The following COL5A1 variants were observed in gnomAD, a reference collection of about 807,000 sequenced individuals.
COL5A1 encodes the protein collagen type V alpha 1 chain.
A neutral mutation model predicts 263.7 loss-of-function variants in COL5A1; 16 were observed. That is an observed-to-expected ratio of 0.06 (90% CI 0.04 to 0.09). COL5A1 has a LOEUF of 0.09. Ranked by LOEUF, COL5A1 falls within the 10% of genes least tolerant of loss-of-function variation. The pLI is 1.00. For missense variants in COL5A1, 2,036 were observed against 2,540.5 expected (o/e 0.80, Z 4.27); for synonymous variants, 1,012 against 1,004.5 (o/e 1.01, Z -0.14).
chr9:134,685,002 CCATT>C (rs1832968148), intron 1 of COL5A1, among the ~76,000 whole-genome samples: 2 of 129,208 alleles, frequency 1.5e-5, no homozygotes, highest in South Asian at 2.7e-4. Context: ...CACCATCCAT[CCATT>C]AATTGATCCA....
chr9:134,664,872 G>C (rs1832310602), intron 1 of COL5A1, among the ~76,000 whole-genome samples: 1 of 152,288 alleles, frequency 6.6e-6, no homozygotes, highest in South Asian at 2.1e-4. Context: ...GACCAGCCTG[G>C]CCAACATGAT....
chr9:134,740,966 C>T (rs1018095531), intron 11 of COL5A1, among the ~76,000 whole-genome samples: 2 of 152,208 alleles, frequency 1.3e-5, no homozygotes, highest in African/African-American at 4.8e-5. Flanking sequence ...TGGAGCCCAC[C>T]GGCCTCCCCA....
chr9:134,731,093 G>A (rs953983519), intron 7 of COL5A1, among the ~76,000 whole-genome samples: 8 of 152,338 alleles, frequency 5.3e-5, no homozygotes, highest in South Asian at 2.1e-4. Flanking sequence ...GCACATGGCC[G>A]ATGCTTAACA....
chr9:134,834,520 C>T (rs909682101), intron 64 of COL5A1, among the ~76,000 whole-genome samples: 2 of 152,164 alleles, frequency 1.3e-5, no homozygotes, highest in Admixed American at 6.5e-5. Flanking sequence ...GCACACTGGG[C>T]AGCCATGGGG....
intron 1 of COL5A1, among the ~76,000 whole-genome samples, chr9:134,671,797 C>T (rs11103464): frequency 6.6e-6 from 1 of 152,240 alleles, no homozygotes; most frequent in African/African-American, 2.4e-5. Context: ...GGCCAATTTC[C>T]TTGTATTTCT....
At chr9:134,695,340 A>G (rs919670699) in intron 2 of COL5A1, among the ~76,000 whole-genome samples, 2 of 152,130 alleles carry the variant, frequency 1.3e-5, no homozygotes, top group Admixed American at 6.5e-5. Flanking sequence ...CCTTAGGCAG[A>G]ATGTCCTGCT....
Position 134,641,816 on chromosome 9 carries a change from G to C in COL5A1, c.-372G>C. The C allele has an allele frequency of 2.6e-6, 1 of 386,802 alleles. No individual in the cohort carries two copies. Among genetic ancestry groups the C allele is most frequent in the East Asian group, 3.7e-5 (1 of 27,336 alleles). The allele number at this position is 386,802 out of a possible 1,614,324, so 24.0% of individuals were successfully genotyped here. On this transcript the variant is annotated 5_prime_UTR_variant, in exon 1 of 66. Transcript: ENST00000371817. The stretch of plus-strand genomic sequence containing the variant: ...GCCGAAGGCGAGGTCCGCACTCTCC[G>C]TCCCCGCGGCTGGCGCAGGACCTCA...
Position 134,765,852 on chromosome 9 carries a change from T to A in COL5A1, c.2088+118T>A. The A allele has an allele frequency of 1.3e-6, 1 of 786,550 alleles. No homozygotes were observed. Among genetic ancestry groups the A allele is most frequent in the Non-Finnish European group, 2.1e-6 (1 of 481,580 alleles). 48.7% of individuals were successfully genotyped at this position (786,550 alleles called of 1,614,324 possible). On this transcript the variant is annotated intron_variant, in intron 21 of 65. Coordinates refer to ENST00000371817, the MANE Select transcript of COL5A1 (RefSeq NM_000093.5). The surrounding 1 kb of genome is among the most constrained non-coding windows in gnomAD (Gnocchi z 5.1). ...AGTCCGTGCTGGCCCCTCTGGCGCC[T>A]GCCTGCTGCCAGTGTGAGGCGTGAG...
At chr9:134,679,557 G>T (rs1347897911) in intron 1 of COL5A1, among the ~76,000 whole-genome samples, 4 of 92,118 alleles carry the variant, frequency 4.3e-5, no homozygotes, top group Non-Finnish European at 6.4e-5. Flanking sequence ...GCTTCTTAGG[G>T]GGCACTGTGG....
intron 27 of COL5A1, among the ~76,000 whole-genome samples, chr9:134,776,698 G>GA (rs1033029177): frequency 6.6e-6 from 1 of 152,200 alleles, no homozygotes; most frequent in African/African-American, 2.4e-5. Flanking sequence ...TTCTTCCCAG[G>GA]AAAAGGTTCT....
At chr9:134,744,534 C>T (rs566812166) in intron 11 of COL5A1, among the ~76,000 whole-genome samples, 12 of 151,808 alleles carry the variant, frequency 7.9e-5, no homozygotes, top group Non-Finnish European at 1.3e-4. Context: ...TACATGCACA[C>T]TCACACCCAC....
intron 4 of COL5A1, among the ~76,000 whole-genome samples, chr9:134,711,054 G>T (rs1056578633): frequency 2.0e-5 from 3 of 152,056 alleles, no homozygotes; most frequent in Non-Finnish European, 2.9e-5. Context: ...GGACCACTTG[G>T]GGGGGCAGCC....
chr9:134,747,538 C>A (rs1278418463), intron 11 of COL5A1, among the ~76,000 whole-genome samples: 1 of 86,558 alleles, frequency 1.2e-5, no homozygotes. Flanking sequence ...CACACATCCA[C>A]ACACACCTGC....
intron 11 of COL5A1, among the ~76,000 whole-genome samples, chr9:134,747,382 T>C (rs1249107802): frequency 6.6e-6 from 1 of 152,178 alleles, no homozygotes; most frequent in Non-Finnish European, 1.5e-5. Flanking sequence ...TGAGGAGACT[T>C]CCTGGCTTCC....
intron 28 of COL5A1, among the ~76,000 whole-genome samples, chr9:134,781,382 G>T (rs947341739): frequency 2.0e-5 from 3 of 152,262 alleles, no homozygotes; most frequent in African/African-American, 4.8e-5. Context: ...CAAGAGCACT[G>T]CTTTCTACGT....
At chr9:134,761,642 T>C (rs1836447838) in intron 18 of COL5A1, among the ~76,000 whole-genome samples, 1 of 152,202 alleles carries the variant, frequency 6.6e-6, no homozygotes, top group Admixed American at 6.5e-5. Flanking sequence ...CTCAGTGTCC[T>C]GAGGCTGCCC....
At position 134,817,061 on chromosome 9, in the gene COL5A1, G is replaced by C. The variant is rs1383677988; in HGVS notation, c.4158G>C (p.Ser1386=). Residue 1386 remains serine (S), a synonymous_variant, in exon 53 of 66, where the codon TCG becomes TCC. Transcript: ENST00000371817. Reference sequence around the variant, plus strand: ...GCCCTACTGGTGAACCAGGTCCATCGGGGCCTCCAGGAAAAAGGGTAAATA... The same window carrying C: ...GCCCTACTGGTGAACCAGGTCCATCCGGGCCTCCAGGAAAAAGGGTAAATA... ...SPGPTGEPGP[S]GPPGKRGPPG... is the part of the protein sequence containing the mutation. The C allele has an allele frequency of 1.2e-6, 2 of 1,613,664 alleles. No homozygotes were observed. Among genetic ancestry groups the C allele is most frequent in the Non-Finnish European group, 1.7e-6 (2 of 1,179,724 alleles).
chr9:134,704,978 C>T (rs1400842553), intron 4 of COL5A1, among the ~76,000 whole-genome samples: 1 of 152,200 alleles, frequency 6.6e-6, no homozygotes, highest in Non-Finnish European at 1.5e-5. Flanking sequence ...CTTGGCTGCT[C>T]TAGAAGGCTC....
intron 1 of COL5A1, among the ~76,000 whole-genome samples, chr9:134,670,889 C>T (rs1049925790): frequency 2.0e-5 from 3 of 152,202 alleles, no homozygotes; most frequent in African/African-American, 4.8e-5. Flanking sequence ...GGGTCTTCTC[C>T]CCACCTGGTG....
Sources: gnomAD v4.1 joint callset for allele counts (sites outside exome capture counted in the v4.1 genomes callset) on GRCh38, gnomAD v4.1.1 for gene constraint, Gnocchi (gnomAD v3.1) non-coding constraint, MANE v1.5 for transcripts, NCBI Gene and HGNC (gene_info 2026-07-23, HGNC 2026-07-21) for gene names.